PIGU: variants seen among roughly 807,000 people sequenced by gnomAD.
PIGU encodes GPI-anchor transamidase component PIGU.
Under a neutral mutation model 49.9 loss-of-function variants are expected in PIGU, and 24 were observed. That is an observed-to-expected ratio of 0.48 (90% confidence interval 0.35 to 0.68). PIGU has a LOEUF of 0.68. Ranked by LOEUF, PIGU falls within the 30% of genes least tolerant of loss-of-function variation. The pLI is 0.01. For missense variants in PIGU, 490 were observed against 532.6 expected, an observed-to-expected ratio of 0.92 and a Z score of 0.79; for synonymous variants, 220 against 205.7, an observed-to-expected ratio of 1.07 and a Z score of -0.59.
At position 34,657,166 on chromosome 20, in the gene PIGU, A is replaced by G; in HGVS notation, c.195+14T>C. On this transcript the variant is annotated intron_variant, in intron 2 of 11. Transcript: ENST00000217446. ...CTACTCTTGGTACCCAGAAAAGAAA[A>G]TAAGAACACTTACTTCATGAAATAC... The G allele has an allele frequency of 1.3e-6, 2 of 1,596,746 alleles. No homozygotes were observed. Among genetic ancestry groups the G allele is most frequent in the South Asian group, 2.2e-5 (2 of 90,366 alleles).
At chr20:34,627,315 A>G (rs1193486034) in intron 6 of PIGU, among the ~76,000 whole-genome samples, 1 of 152,202 alleles carries the variant, frequency 6.6e-6, no homozygotes. Flanking sequence ...TTAAATTTAA[A>G]GGAAATGACA....
intron 11 of PIGU, among the ~76,000 whole-genome samples, chr20:34,565,839 C>T (rs1982733420): frequency 2.1e-5 from 1 of 47,768 alleles, no homozygotes; most frequent in Admixed American, 3.5e-4. Context: ...TGCACTCACA[C>T]ACAGGTGCAC....
intron 2 of PIGU, among the ~76,000 whole-genome samples, chr20:34,656,763 CAAAAAAAA>C (rs66812401): frequency 2.0e-5 from 2 of 98,842 alleles, no homozygotes; most frequent in African/African-American, 7.6e-5. Context: ...AAGACCCTGC[CAAAAAAAA>C]AAAAAAAAGC....
chr20:34,671,642 C>T (rs1436669670), intron 1 of PIGU, among the ~76,000 whole-genome samples: 3 of 151,944 alleles, frequency 2.0e-5, no homozygotes, highest in Non-Finnish European at 2.9e-5. Flanking sequence ...ATTTCTTGGC[C>T]GGGCGCAGTG....
intron 4 of PIGU, among the ~76,000 whole-genome samples, chr20:34,642,016 T>C (rs1318248960): frequency 1.3e-5 from 2 of 152,172 alleles, no homozygotes; most frequent in East Asian, 1.9e-4. Flanking sequence ...TTTGGCTTTC[T>C]CTCTCCCTCT....
At chr20:34,572,051 C>A (rs1983034735) in intron 11 of PIGU, among the ~76,000 whole-genome samples, 1 of 152,148 alleles carries the variant, frequency 6.6e-6, no homozygotes, top group Non-Finnish European at 1.5e-5. Context: ...GAAATACCTG[C>A]CAAAGGCGTA....
At chr20:34,614,547 C>G (rs1221362168) in intron 7 of PIGU, among the ~76,000 whole-genome samples, 2 of 151,188 alleles carry the variant, frequency 1.3e-5, no homozygotes, top group Non-Finnish European at 2.9e-5. Flanking sequence ...ATCGATTGAG[C>G]CTGGGAGATG....
intron 4 of PIGU, 148 bp from the exon 5 acceptor site, chr20:34,638,133 C>T (rs1986026901): frequency 7.6e-7 from 1 of 1,318,608 alleles, no homozygotes; most frequent in East Asian, 2.9e-5. Context: ...ACACTCGGCC[C>T]TCCCCATCCC....
intron 1 of PIGU, among the ~76,000 whole-genome samples, chr20:34,672,498 T>C (rs1221003609): frequency 6.6e-6 from 1 of 152,042 alleles, no homozygotes; most frequent in African/African-American, 2.4e-5. Context: ...GACCGAAGAA[T>C]TGGTATATGA....
chr20:34,668,772 A>AAAATAAAT (rs538438105), intron 1 of PIGU, among the ~76,000 whole-genome samples: 1 of 151,132 alleles, frequency 6.6e-6, no homozygotes, highest in African/African-American at 2.4e-5. Context: ...CTGACTCAAA[A>AAAATAAAT]AAATAAATAA....
At chr20:34,666,660 G>A (rs904832775) in intron 1 of PIGU, among the ~76,000 whole-genome samples, 14 of 149,162 alleles carry the variant, frequency 9.4e-5, no homozygotes, top group Non-Finnish European at 2.1e-4. Flanking sequence ...TGGGACTACT[G>A]GAGTGCACCA....
chr20:34,583,339 A>G (rs1423264722), intron 9 of PIGU, among the ~76,000 whole-genome samples: 2 of 152,166 alleles, frequency 1.3e-5, no homozygotes, highest in Non-Finnish European at 1.5e-5. Flanking sequence ...AAAAAAACAG[A>G]CTACAGCCTC....
At chr20:34,676,266 A>G (rs1045461407) in intron 1 of PIGU, among the ~76,000 whole-genome samples, 2 of 152,200 alleles carry the variant, frequency 1.3e-5, no homozygotes, top group African/African-American at 2.4e-5. Flanking sequence ...GGGATAGTTT[A>G]TTCAGGGTCA....
chr20:34,561,112 CCCT>C, intron 11 of PIGU, 133 bp from the exon 12 acceptor site: 1 of 642,224 alleles, frequency 1.6e-6, no homozygotes, highest in Admixed American at 2.9e-5. Flanking sequence ...ACTGGAGAGG[CCCT>C]CCTCAGGGCC....
At chr20:34,619,774 A>G (rs1363222791) in intron 6 of PIGU, among the ~76,000 whole-genome samples, 2 of 152,218 alleles carry the variant, frequency 1.3e-5, no homozygotes, top group Non-Finnish European at 2.9e-5. Context: ...GTTTTAGAAT[A>G]CTTGCTCCTA....
intron 2 of PIGU, among the ~76,000 whole-genome samples, chr20:34,656,535 G>C (rs537778265): frequency 4.5e-4 from 68 of 151,894 alleles, no homozygotes; most frequent in African/African-American, 1.6e-3. Flanking sequence ...GCCCACTTCG[G>C]CCTCCCAAAG....
chr20:34,615,367 T>C (rs1984964965), intron 7 of PIGU, among the ~76,000 whole-genome samples: 1 of 152,210 alleles, frequency 6.6e-6, no homozygotes, highest in Non-Finnish European at 1.5e-5. Context: ...TATAAGAATC[T>C]TACAAGGTGA....
chr20:34,653,335 T>C (rs1416818709), intron 2 of PIGU, among the ~76,000 whole-genome samples: 1 of 152,232 alleles, frequency 6.6e-6, no homozygotes, highest in African/African-American at 2.4e-5. Flanking sequence ...CTACCAATCA[T>C]TGAGAAAGGG....
intron 7 of PIGU, among the ~76,000 whole-genome samples, chr20:34,605,399 T>C (rs1009269914): frequency 2.0e-5 from 3 of 152,188 alleles, no homozygotes; most frequent in Non-Finnish European, 2.9e-5. Context: ...GTTTATAGTG[T>C]CAAAGGAGGA....
Sources: allele counts gnomAD v4.1 joint callset (sites outside exome capture counted in the v4.1 genomes callset), GRCh38; gene constraint gnomAD v4.1.1; transcripts MANE v1.5; gene names NCBI Gene and HGNC (gene_info 2026-07-23, HGNC 2026-07-21).